The following NTM variants were observed in gnomAD, a reference collection of about 807,000 sequenced individuals.
The protein encoded by NTM is IgLON family member 2.
Under a neutral mutation model 42.1 loss-of-function variants are expected in NTM, and 13 were observed. The ratio of observed to expected loss-of-function variants is 0.31; its 90% CI spans 0.20 to 0.49. The LOEUF is 0.49. Among genes scored for constraint, NTM ranks in the 20% least tolerant of loss-of-function variants. The probability of loss-of-function intolerance (pLI) is 0.99; values close to 1 mark genes in which losing one functional copy is unlikely to be tolerated. For synonymous variants in NTM, 187 were observed against 179.2 expected (o/e 1.04, Z -0.35); for missense variants, 373 against 452.8 (o/e 0.82, Z 1.60).
intron 1 of NTM, among the ~76,000 whole-genome samples, chr11:131,565,708 A>C (rs1173394680): frequency 6.6e-6 from 1 of 152,200 alleles, no homozygotes; most frequent in Non-Finnish European, 1.5e-5. Flanking sequence ...TGAGCTAGAA[A>C]GATGTCTGAG....
intron 4 of NTM, among the ~76,000 whole-genome samples, chr11:132,286,691 A>G (rs1350406102): frequency 6.6e-6 from 1 of 152,182 alleles, no homozygotes; most frequent in Non-Finnish European, 1.5e-5. Flanking sequence ...GAATGACCGC[A>G]TGGCTCTACT....
At chr11:132,289,698 C>T (rs2094387673) in intron 4 of NTM, among the ~76,000 whole-genome samples, 1 of 152,214 alleles carries the variant, frequency 6.6e-6, no homozygotes, top group Non-Finnish European at 1.5e-5. Flanking sequence ...GGCTCCTGTA[C>T]TCAGTTCCGC....
At chr11:131,508,866 C>T (rs552853760) in intron 1 of NTM, among the ~76,000 whole-genome samples, 4 of 142,638 alleles carry the variant, frequency 2.8e-5, no homozygotes, top group African/African-American at 1.1e-4. Flanking sequence ...AGGGGAATAT[C>T]ACACTCTGGG....
In NTM at chr11:132,211,680, C is replaced by T. The variant is rs188634699; in HGVS notation, c.401-342C>T. The T allele has an allele frequency of 4.4e-5, 9 of 205,106 alleles. No individual in the cohort carries two copies. The East Asian group carries it at 1.3e-3, about 29-fold the overall frequency. The allele number at this position is 205,106 out of a possible 1,614,324, so 12.7% of individuals were successfully genotyped here. On this transcript the variant is annotated intron_variant, in intron 3 of 8. Transcript: ENST00000683400. ...TCAGAATTGCATTCTTTCAAGACAT[C>T]GCTGAATGCAGTGTGGAGGATGGCT... is the stretch of plus-strand genomic sequence containing the variant.
At position 132,335,390 on chromosome 11, in the gene NTM, C is replaced by A; in HGVS notation, c.*244C>A. On this transcript the variant is annotated 3_prime_UTR_variant, in exon 9 of 9. Transcript: ENST00000683400. The stretch of plus-strand genomic sequence containing the variant: ...TACAATGGAGTTTTCTTTTCCCAAA[C>A]GGGAAGAACACAGCACACCCGGCTT... 2.2e-6 allele frequency: 1 copy of A among 464,544 alleles called. No homozygotes were observed. The allele number at this position is 464,544 out of a possible 1,614,324, so 28.8% of individuals were successfully genotyped here.
chr11:132,105,882 G>T (rs971712639), intron 2 of NTM, among the ~76,000 whole-genome samples: 1 of 152,136 alleles, frequency 6.6e-6, no homozygotes, highest in African/African-American at 2.4e-5. Context: ...GTTCTAGATG[G>T]CACCTGTGCA....
chr11:132,114,764 T>A (rs1464666066), intron 2 of NTM, among the ~76,000 whole-genome samples: 2 of 152,216 alleles, frequency 1.3e-5, no homozygotes, highest in Non-Finnish European at 2.9e-5. Flanking sequence ...GCCTGACTGG[T>A]TCCAGGTCAC....
chr11:132,102,245 T>C (rs1052097230), intron 2 of NTM, among the ~76,000 whole-genome samples: 4 of 152,248 alleles, frequency 2.6e-5, no homozygotes, highest in Non-Finnish European at 4.4e-5. Flanking sequence ...TATATACATA[T>C]ACTTTTTTAT....
intron 1 of NTM, among the ~76,000 whole-genome samples, chr11:131,453,838 C>A (rs1950667644): frequency 6.6e-6 from 1 of 152,200 alleles, no homozygotes; most frequent in South Asian, 2.1e-4. Context: ...GTCCCTCCCA[C>A]ACCAGCAGGC....
intron 1 of NTM, among the ~76,000 whole-genome samples, chr11:131,473,853 C>T (rs559803556): frequency 1.6e-3 from 247 of 152,306 alleles, no homozygotes; most frequent in African/African-American, 5.8e-3. Context: ...TCTATTCCTT[C>T]CATCTCTGGC....
At chr11:131,458,288 G>A (rs556598310) in intron 1 of NTM, among the ~76,000 whole-genome samples, 2 of 152,316 alleles carry the variant, frequency 1.3e-5, no homozygotes, top group Admixed American at 6.5e-5. Flanking sequence ...AGACTGCTGG[G>A]TTTGGCTATG....
intron 2 of NTM, among the ~76,000 whole-genome samples, chr11:132,068,937 A>C (rs2056933723): frequency 6.6e-6 from 1 of 152,232 alleles, no homozygotes; most frequent in Non-Finnish European, 1.5e-5. Flanking sequence ...TTTAAAACCA[A>C]TTTTATTTTT....
At chr11:131,936,993 A>G (rs548401998) in intron 2 of NTM, among the ~76,000 whole-genome samples, 1 of 152,328 alleles carries the variant, frequency 6.6e-6, no homozygotes, top group African/African-American at 2.4e-5. Context: ...TTCAGTCCCA[A>G]AGGTAAGCTT....
At chr11:131,803,663 T>TCAAG in intron 1 of NTM, among the ~76,000 whole-genome samples, 1 of 152,166 alleles carries the variant, frequency 6.6e-6, no homozygotes, top group Admixed American at 6.5e-5. Flanking sequence ...GCCAACCTAC[T>TCAAG]TGTTTCTGCA....
chr11:132,279,532 G>A (rs904687523), intron 4 of NTM, among the ~76,000 whole-genome samples: 1 of 152,168 alleles, frequency 6.6e-6, no homozygotes, highest in Non-Finnish European at 1.5e-5. Context: ...ACTACTGCAC[G>A]TTAAATCCCA....
intron 1 of NTM, among the ~76,000 whole-genome samples, chr11:131,622,596 A>G (rs1487705090): frequency 2.6e-5 from 4 of 152,248 alleles, no homozygotes; most frequent in African/African-American, 9.6e-5. Flanking sequence ...CACACAGAAT[A>G]TAAATTGATG....
chr11:132,261,736 CA>C (rs2092870157), intron 4 of NTM, among the ~76,000 whole-genome samples: 1 of 152,164 alleles, frequency 6.6e-6, no homozygotes, highest in Non-Finnish European at 1.5e-5. Flanking sequence ...AGCTGCCAGT[CA>C]AACCTTTTTA....
At position 132,135,007 on chromosome 11, in the gene NTM, A is replaced by T. The variant is rs1043583134; in HGVS notation, c.168-11275A>T. Among the ~76,000 whole-genome samples, 8 of 151,688 alleles carry T rather than the reference A, an allele frequency of 5.3e-5. No homozygotes were observed. In the South Asian group the frequency reaches 1.0e-3, roughly 20 times the overall value. On this transcript the variant is annotated intron_variant, in intron 2 of 8. Transcript: ENST00000683400. Reference sequence around the variant, plus strand: ...ATTTTATTATATCCTTTATTAGTTTACTGTCCACATGCTCCTGCCACCCAC... The same window carrying T: ...ATTTTATTATATCCTTTATTAGTTTTCTGTCCACATGCTCCTGCCACCCAC...
intron 1 of NTM, among the ~76,000 whole-genome samples, chr11:131,577,024 C>G (rs1419186674): frequency 6.6e-6 from 1 of 152,154 alleles, no homozygotes; most frequent in South Asian, 2.1e-4. Context: ...ATGTGGTATA[C>G]AGGCACATTT....
Sources: gnomAD v4.1 joint callset for allele counts (sites outside exome capture counted in the v4.1 genomes callset) on GRCh38, gnomAD v4.1.1 for gene constraint, MANE v1.5 for transcripts, NCBI Gene and HGNC (gene_info 2026-07-23, HGNC 2026-07-21) for gene names.